Variants in C12orf42 observed in about 807,000 individuals in gnomAD.
C12orf42 encodes chromosome 12 open reading frame 42.
Under a neutral mutation model 21.6 loss-of-function variants are expected in C12orf42, and 25 were observed. The observed-to-expected ratio is 1.16, with a 90% CI of 0.84 to 1.62. C12orf42 has a LOEUF of 1.62. C12orf42 is among the 40% of genes most tolerant of loss of function. C12orf42 has a pLI of 0.00. For synonymous variants in C12orf42, 174 were observed against 175.0 expected, an observed-to-expected ratio of 0.99 and a Z score of 0.05; for missense variants, 483 against 459.3, an observed-to-expected ratio of 1.05 and a Z score of -0.47.
At chr12:103,527,463 T>C in the C12orf42 span, among the ~76,000 whole-genome samples, 1 of 152,158 alleles carries the variant, frequency 6.6e-6, no homozygotes, top group Non-Finnish European at 1.5e-5. Context: ...TAGGTGCTTG[T>C]CAACATTATA....
At chr12:103,537,586 G>A in the C12orf42 span, among the ~76,000 whole-genome samples, 1 of 152,178 alleles carries the variant, frequency 6.6e-6, no homozygotes, top group South Asian at 2.1e-4. Context: ...GCTGAGAAGT[G>A]GCTGTAGAGA....
chr12:103,457,040 A>G (rs1952344930), intron 2 of C12orf42, among the ~76,000 whole-genome samples: 1 of 152,132 alleles, frequency 6.6e-6, no homozygotes, highest in African/African-American at 2.4e-5. Flanking sequence ...TAATAGAGAG[A>G]AAAAAACCAC....
At chr12:103,455,943 G>GA (rs1315490482) in intron 2 of C12orf42, among the ~76,000 whole-genome samples, 1 of 152,018 alleles carries the variant, frequency 6.6e-6, no homozygotes, top group Non-Finnish European at 1.5e-5. Context: ...TCTCCTGCTT[G>GA]AGTTCCATGA....
the C12orf42 span, chr12:103,559,418 C>T: frequency 8.6e-6 from 1 of 116,294 alleles, no homozygotes; most frequent in Non-Finnish European, 2.2e-5. Context: ...GCTTTTTCCC[C>T]TTTCTGGTTT....
intron 2 of C12orf42, among the ~76,000 whole-genome samples, chr12:103,422,859 C>T (rs2050030343): frequency 6.6e-6 from 1 of 151,622 alleles, no homozygotes; most frequent in African/African-American, 2.4e-5. Context: ...ACACAACACC[C>T]TTCAAAAGAA....
chr12:103,543,594 C>G, the C12orf42 span, among the ~76,000 whole-genome samples: 1 of 151,104 alleles, frequency 6.6e-6, no homozygotes, highest in African/African-American at 2.4e-5. Flanking sequence ...GCATGGGTAA[C>G]AAAATGGGAA....
intron 2 of C12orf42, among the ~76,000 whole-genome samples, chr12:103,476,017 C>A (rs1184426038): frequency 6.6e-6 from 1 of 152,114 alleles, no homozygotes; most frequent in African/African-American, 2.4e-5. Context: ...TACAGATGAG[C>A]AACAACTGTC....
chr12:103,418,380 C>T (rs369566105), intron 2 of C12orf42, among the ~76,000 whole-genome samples: 5 of 152,000 alleles, frequency 3.3e-5, no homozygotes, highest in African/African-American at 4.8e-5. Flanking sequence ...GATCTTCTTA[C>T]GGAAGATCAG....
At chr12:103,558,006 G>T in the C12orf42 span, 3 of 152,166 alleles carry the variant, frequency 2.0e-5, no homozygotes, top group African/African-American at 7.2e-5. Context: ...TTGCGCTATA[G>T]AATTCCTCTA....
the C12orf42 span, among the ~76,000 whole-genome samples, chr12:103,077,585 C>T: frequency 1.0e-3 from 152 of 152,286 alleles, no homozygotes; most frequent in African/African-American, 3.5e-3. Flanking sequence ...ACAGAGCAGG[C>T]AGTGATAAAG....
rs755075092 is a variant in C12orf42 at position 103,302,035 on chromosome 12, GC to G, written c.*72del. The stretch of plus-strand genomic sequence containing the variant: ...TTCTGTGGAAACCAGTACATCTGAG[GC>G]CCTTTCTGTTGTTCTGAGCAGGCAT... On this transcript the variant is annotated 3_prime_UTR_variant, in exon 6 of 6. Coordinates refer to ENST00000548883, the MANE Select transcript of C12orf42 (RefSeq NM_198521.5). The G allele has an allele frequency of 7.3e-5, 106 of 1,445,974 alleles. No individual in the cohort carries two copies. The highest frequency in any genetic ancestry group is 7.2e-5 in the Non-Finnish European group (76 of 1,061,122). The allele number at this position is 1,445,974 out of a possible 1,614,324, so 89.6% of individuals were successfully genotyped here.
At chr12:103,452,714 A>G (rs1316519931) in intron 2 of C12orf42, among the ~76,000 whole-genome samples, 2 of 152,096 alleles carry the variant, frequency 1.3e-5, no homozygotes, top group African/African-American at 2.4e-5. Context: ...GGATGAGTTC[A>G]TGTCCTTTGC....
At chr12:103,562,851 T>C in the C12orf42 span, among the ~76,000 whole-genome samples, 1 of 152,202 alleles carries the variant, frequency 6.6e-6, no homozygotes, top group Non-Finnish European at 1.5e-5. Context: ...TCCCACACCA[T>C]TATGTATCAG....
At chr12:103,365,325 C>T (rs749163715) in intron 4 of C12orf42, among the ~76,000 whole-genome samples, 2 of 152,012 alleles carry the variant, frequency 1.3e-5, no homozygotes, top group Non-Finnish European at 2.9e-5. Context: ...TGACATGCCT[C>T]AATGTAATAA....
At chr12:103,100,582 A>G in the C12orf42 span, among the ~76,000 whole-genome samples, 2 of 152,320 alleles carry the variant, frequency 1.3e-5, no homozygotes, top group Non-Finnish European at 2.9e-5. Flanking sequence ...GCATGCATGA[A>G]TGCCTTCCCC....
intron 4 of C12orf42, among the ~76,000 whole-genome samples, chr12:103,319,811 A>AC (rs1440523904): frequency 6.6e-6 from 1 of 152,184 alleles, no homozygotes; most frequent in African/African-American, 2.4e-5. Flanking sequence ...TCTCCTTCGC[A>AC]CAGCAGTGGT....
At chr12:103,393,008 C>T (rs554926543) in intron 3 of C12orf42, among the ~76,000 whole-genome samples, 4 of 152,302 alleles carry the variant, frequency 2.6e-5, no homozygotes, top group Admixed American at 6.5e-5. Context: ...GAAGTCCATC[C>T]TTGGCCTTTC....
chr12:103,288,813 C>T, intron 4 of C12orf42, among the ~76,000 whole-genome samples: 1 of 152,232 alleles, frequency 6.6e-6, no homozygotes, highest in African/African-American at 2.4e-5. Flanking sequence ...TAGCAAAAAA[C>T]ACAAATCCTG....
chr12:103,118,130 C>T, the C12orf42 span, among the ~76,000 whole-genome samples: 1 of 152,184 alleles, frequency 6.6e-6, no homozygotes, highest in Non-Finnish European at 1.5e-5. Flanking sequence ...CTGGAGGGAA[C>T]TGTTAGCACT....
Sources: allele counts gnomAD v4.1 joint callset (sites outside exome capture counted in the v4.1 genomes callset), GRCh38; gene constraint gnomAD v4.1.1; transcripts MANE v1.5; gene names NCBI Gene and HGNC (gene_info 2026-07-23, HGNC 2026-07-21).